The following SBF1 variants were observed in gnomAD, a reference collection of about 807,000 sequenced individuals.
SBF1 encodes the protein SET binding factor 1.
In SBF1, 65 loss-of-function variants were observed where a neutral mutation model predicts 215.8. The ratio of observed to expected loss-of-function variants is 0.30; its 90% CI spans 0.25 to 0.37. The LOEUF is 0.37. SBF1 is among the 10% of genes least tolerant of loss of function. SBF1 has a pLI of 1.00. For missense variants in SBF1, 2,634 were observed against 2,667.8 expected (o/e 0.99, Z 0.28); for synonymous variants, 1,410 against 1,122.8 (o/e 1.26, Z -5.11).
chr22:50,464,787 T>C (rs1226116165), intron 13 of SBF1, 32 bp downstream of exon 13: 1 of 1,612,306 alleles, frequency 6.2e-7, no homozygotes, highest in Non-Finnish European at 8.5e-7. Context: ...ATCAAGGCGG[T>C]ACGACGCCCT....
intron 15 of SBF1, 73 bp downstream of exon 15, chr22:50,464,256 A>G (rs948222100): frequency 1.9e-5 from 24 of 1,270,278 alleles, no homozygotes; most frequent in Non-Finnish European, 2.4e-5. Flanking sequence ...CAGCACTCAC[A>G]AGGGTGAAGT....
rs1244104609 is a variant in SBF1, at chr22:50,455,043, C to T, written c.4654G>A (p.Asp1552Asn). ...VSRRFRTFLLDSDYERIELGL... is the reference protein window; with the variant it reads ...VSRRFRTFLLNSDYERIELGL... ...AGCTCAATGCGCTCATAGTCAGAGTCGAGCAGGAAGGTCCGGAAACGGCGG... is the reference window on the plus strand; with the variant it reads ...AGCTCAATGCGCTCATAGTCAGAGTTGAGCAGGAAGGTCCGGAAACGGCGG... The change falls in exon 34 of 41, where the codon GAC becomes AAC. Residue 1552 changes from aspartate (D) to asparagine (N), a missense_variant. Transcript: ENST00000380817. The T allele has an allele frequency of 5.6e-6, 9 of 1,614,092 alleles. No homozygotes were observed. The highest frequency in any genetic ancestry group is 2.2e-5 in the East Asian group (1 of 44,884).
chr22:50,454,476 G>C (rs1368044012), intron 36 of SBF1, 36 bp downstream of exon 36: 1 of 1,556,350 alleles, frequency 6.4e-7, no homozygotes, highest in South Asian at 1.1e-5. Context: ...GAGGAGGGGG[G>C]TGCCAGGCCA....
intron 22 of SBF1, 68 bp downstream of exon 22, chr22:50,461,455 G>C: frequency 6.6e-7 from 1 of 1,517,794 alleles, no homozygotes; most frequent in South Asian, 1.2e-5. Context: ...AGGGAGGCAG[G>C]GAAAGCCCAT....
chr22:50,470,235 C>T (rs1424757453), intron 1 of SBF1, among the ~76,000 whole-genome samples: 1 of 152,108 alleles, frequency 6.6e-6, no homozygotes, highest in Non-Finnish European at 1.5e-5. Flanking sequence ...TGCCACGAGG[C>T]AGCAGGTGGA....
intron 8 of SBF1, 21 bp downstream of exon 8, chr22:50,466,129 G>C: frequency 6.2e-7 from 1 of 1,613,028 alleles, no homozygotes; most frequent in Non-Finnish European, 8.5e-7. Flanking sequence ...CCGTGAGGTG[G>C]ACACAAAGCA....
chr22:50,455,178 G>A (rs369282392), intron 33 of SBF1, 36 bp from the exon 34 acceptor site: 20 of 1,613,714 alleles, frequency 1.2e-5, no homozygotes, highest in East Asian at 1.1e-4. Context: ...AGGGCTCAGC[G>A]GTCAGGGTGC....
chr22:50,465,322 C>A lies in SBF1; in HGVS notation c.1096G>T (p.Glu366Ter), dbSNP rs1312019546. ...AGCCGCAGGAAGACCGCGCGCAGCTCCTTGTCCTGGGAGAAGAGCTGAGTG... is the reference window on the plus strand; with the variant it reads ...AGCCGCAGGAAGACCGCGCGCAGCTACTTGTCCTGGGAGAAGAGCTGAGTG... ...STSSLKMQDK[E>*]LRAVFLRLFA... Residue 366 changes from glutamate (E) to a stop codon, truncating the protein, a stop_gained, in exon 11 of 41, where the codon GAG becomes TAG. Coordinates refer to ENST00000380817, the MANE Select transcript of SBF1 (RefSeq NM_002972.4). LOFTEE classifies it high-confidence loss of function. The A allele has an allele frequency of 6.3e-7, 1 of 1,586,504 alleles. No homozygotes were observed. Among genetic ancestry groups the A allele is most frequent in the African/African-American group, 1.3e-5 (1 of 74,714 alleles).
At chr22:50,451,830 CAT>C (rs1268198640) in intron 36 of SBF1, among the ~76,000 whole-genome samples, 2 of 148,948 alleles carry the variant, frequency 1.3e-5, no homozygotes, top group African/African-American at 5.0e-5. Flanking sequence ...GAGTCTCACT[CAT>C]GTCGCCCAGG....
rs1390126652 is a variant in SBF1, at chr22:50,464,555, C to T, written c.1615G>A (p.Val539Met). The T allele has an allele frequency of 1.2e-5, 19 of 1,611,058 alleles. No homozygotes were observed. In the Admixed American group the frequency reaches 2.2e-4, roughly 18 times the overall value. Residue 539 changes from valine to methionine, a missense_variant, in exon 14 of 41, where the codon GTG becomes ATG. By Grantham distance (21) the Val-to-Met change is conservative (BLOSUM62 1). Transcript: ENST00000380817. Reference sequence around the variant, plus strand: ...GCACTCATGGGGGGCCCTGAGGGCACGGTGGTCCTCCTCTCGGCCTTCACA... The same window carrying T: ...GCACTCATGGGGGGCCCTGAGGGCATGGTGGTCCTCCTCTCGGCCTTCACA... ...PAVKAERRTT[V>M]PSGPPMTAIL...
chr22:50,463,182 T>G (rs1467606655), intron 16 of SBF1, 101 bp downstream of exon 16: 30 of 1,477,070 alleles, frequency 2.0e-5, no homozygotes, highest in Non-Finnish European at 1.9e-6. Flanking sequence ...CACAGGAGTC[T>G]CTTGCACCGT....
chr22:50,447,461 A>T lies in SBF1; in HGVS notation c.5452-8T>A. 6.3e-7 allele frequency: 1 copy of T among 1,587,030 alleles called. No individual in the cohort carries two copies. Among genetic ancestry groups the T allele is most frequent in the Non-Finnish European group, 8.6e-7 (1 of 1,166,336 alleles). ...GTGGTCGTAGTAGCGCAGCTGGAGG[A>T]GGCCACAGAGTCAGCGGAGCCCCCT... On this transcript the variant is annotated splice_region_variant and splice_polypyrimidine_tract_variant and intron_variant, in intron 39 of 40. Coordinates refer to ENST00000380817, the MANE Select transcript of SBF1 (RefSeq NM_002972.4).
At chr22:50,453,051 G>A (rs1403341272) in intron 36 of SBF1, among the ~76,000 whole-genome samples, 1 of 152,036 alleles carries the variant, frequency 6.6e-6, no homozygotes, top group East Asian at 1.9e-4. Flanking sequence ...CTTAAACCCA[G>A]CCACATCAAT....
intron 1 of SBF1, among the ~76,000 whole-genome samples, chr22:50,473,966 G>T (rs9628189): frequency 5.2e-4 from 79 of 152,356 alleles, no homozygotes; most frequent in African/African-American, 1.8e-3. Context: ...ACAAAGGGCT[G>T]TGCGGGGCCT....
Position 50,460,389 on chromosome 22 carries a change from C to A in SBF1, c.3166G>T (p.Val1056Phe). 1 of 1,612,322 alleles carries A rather than the reference C, an allele frequency of 6.2e-7. No individual in the cohort carries two copies. The highest frequency in any genetic ancestry group is 8.5e-7 in the Non-Finnish European group (1 of 1,178,934). ...PSLRTLSRNLVKNAKKTIGRQ... is the reference protein window; with the variant it reads ...PSLRTLSRNLFKNAKKTIGRQ... The stretch of plus-strand genomic sequence containing the variant: ...CCGATGGTCTTCTTGGCGTTCTTGA[C>A]CAGGTTCCGGGACAGGGTTCTGAGG... Residue 1056 changes from valine to phenylalanine, a missense_variant, in exon 25 of 41, where the codon GTC (valine) becomes TTC (phenylalanine). Physicochemically the swap from Val to Phe is conservative, Grantham distance 50. Transcript: ENST00000380817.
At position 50,461,619 on chromosome 22, in the gene SBF1, C is replaced by T; in HGVS notation, c.2743G>A (p.Gly915Ser). The change falls in exon 22 of 41, where the codon GGC becomes AGC. Residue 915 changes from glycine to serine, a missense_variant. Physicochemically the swap from Gly to Ser is moderately conservative, Grantham distance 56. Transcript: ENST00000380817. ...AGCAATGCTGGTCCCCCAGCACTGC[C>T]CCCCGCGCCCTCCTCACGCCCATCC... ...LPDGREEGAG[G>S]SAGGPALLPA... 2.5e-6 allele frequency: 4 copies of T among 1,611,596 alleles called. No homozygotes were observed. The highest frequency in any genetic ancestry group is 3.4e-6 in the Non-Finnish European group (4 of 1,179,730).
rs762717906 is a variant in SBF1 at position 50,448,325 on chromosome 22, ACTC to A, written c.5268_5270del (p.Gln1756_Ser1757delinsHis). 4.1e-5 allele frequency: 66 copies of A among 1,613,056 alleles called. No individual in the cohort carries two copies. Among genetic ancestry groups the A allele is most frequent in the Non-Finnish European group, 5.3e-5 (62 of 1,179,900 alleles). ...GGGAGCCGGATGTGGTTGAGCCACT[ACTC>A]TGGTCGCTGTCCAGGCTGAGGCTCA... is the stretch of plus-strand genomic sequence containing the variant. On this transcript the variant is annotated inframe_deletion, in exon 38 of 41. Coordinates refer to ENST00000380817, the MANE Select transcript of SBF1 (RefSeq NM_002972.4).
Position 50,462,027 on chromosome 22 carries a change from A to T in SBF1, c.2489T>A (p.Ile830Asn). The change falls in exon 20 of 41, where the codon ATC becomes AAC. Residue 830 changes from isoleucine to asparagine, a missense_variant. Ile to Asn is a moderately radical substitution (Grantham distance 149). Coordinates refer to ENST00000380817, the MANE Select transcript of SBF1 (RefSeq NM_002972.4). ...GCAGACCTTGTCCACAAAGCGGTTG[A>T]TGAAGCGGACCACAGCCCCAGCTAC... ...CDVAGAVVRF[I>N]NRFVDKVCTE... 1 of 1,614,178 alleles carries T rather than the reference A, an allele frequency of 6.2e-7. No homozygotes were observed. Among genetic ancestry groups the T allele is most frequent in the Non-Finnish European group, 8.5e-7 (1 of 1,180,036 alleles).
intron 1 of SBF1, 37 bp from the exon 2 acceptor site, chr22:50,468,498 G>A (rs758767819): frequency 3.9e-5 from 55 of 1,415,684 alleles, no homozygotes; most frequent in Non-Finnish European, 4.6e-5. Context: ...CACCCAACCC[G>A]CCCCCCACCC....
Sources: allele counts gnomAD v4.1 joint callset (sites outside exome capture counted in the v4.1 genomes callset), GRCh38; gene constraint gnomAD v4.1.1; transcripts MANE v1.5; gene names NCBI Gene and HGNC (gene_info 2026-07-23, HGNC 2026-07-21).